Variants in NKAIN3 observed in about 807,000 individuals in gnomAD.
The protein encoded by NKAIN3 is sodium/potassium-transporting ATPase subunit beta-1-interacting protein 3.
A neutral mutation model predicts 30.2 loss-of-function variants in NKAIN3; 25 were observed. The observed-to-expected ratio is 0.83, with a 90% CI of 0.60 to 1.16. The LOEUF (loss-of-function observed/expected upper bound fraction) is 1.16. Among genes scored for constraint, NKAIN3 ranks in the 50% most tolerant of loss-of-function variants. NKAIN3 has a pLI of 0.00. For synonymous variants in NKAIN3, 91 were observed against 89.6 expected (o/e 1.02, Z -0.09); for missense variants, 225 against 254.1 (o/e 0.89, Z 0.78).
At chr8:62,720,049 G>T (rs1194983316) in intron 3 of NKAIN3, among the ~76,000 whole-genome samples, 1 of 151,910 alleles carries the variant, frequency 6.6e-6, no homozygotes, top group African/African-American at 2.4e-5. Context: ...GAGCCACTGC[G>T]CCGGGCCGAT....
chr8:62,252,176 C>T (rs1167973728), intron 1 of NKAIN3, among the ~76,000 whole-genome samples: 1 of 151,892 alleles, frequency 6.6e-6, no homozygotes, highest in African/African-American at 2.4e-5. Context: ...CTGCTTCCAC[C>T]AACTGTCAGA....
intron 4 of NKAIN3, chr8:62,856,465 C>T: frequency 1.3e-6 from 1 of 786,028 alleles, no homozygotes; most frequent in Middle Eastern, 3.4e-4. Context: ...TATGTCAAAG[C>T]CCCCAGGTTT....
intron 1 of NKAIN3, among the ~76,000 whole-genome samples, chr8:62,555,247 T>C (rs1809351145): frequency 6.6e-6 from 1 of 152,096 alleles, no homozygotes; most frequent in Admixed American, 6.6e-5. Context: ...CAAGGTATCA[T>C]ACTTGTGAGG....
chr8:62,917,666 G>A (rs571729344), intron 4 of NKAIN3, among the ~76,000 whole-genome samples: 6 of 152,324 alleles, frequency 3.9e-5, no homozygotes, highest in South Asian at 2.1e-4. Context: ...AAGACAAGAA[G>A]ATAAACTATA....
intron 3 of NKAIN3, among the ~76,000 whole-genome samples, chr8:62,724,029 T>A (rs1229212808): frequency 6.6e-6 from 1 of 152,112 alleles, no homozygotes; most frequent in Non-Finnish European, 1.5e-5. Context: ...ACTAATGATT[T>A]CTTGAGTTAT....
At chr8:62,499,421 C>G (rs893844322) in intron 1 of NKAIN3, among the ~76,000 whole-genome samples, 3 of 152,032 alleles carry the variant, frequency 2.0e-5, no homozygotes. Context: ...TGATGCCTAT[C>G]TAGGAGGGAA....
intron 3 of NKAIN3, among the ~76,000 whole-genome samples, chr8:62,696,054 C>T (rs1364573985): frequency 6.6e-6 from 1 of 152,036 alleles, no homozygotes; most frequent in East Asian, 1.9e-4. Flanking sequence ...TTTTTATATA[C>T]ACAAACATAC....
chr8:62,440,978 A>G lies in NKAIN3; in HGVS notation c.55-138561A>G, dbSNP rs946924441. ...AATGCGGAACCTGTCTTGTGCTGCC[A>G]TGTTACCCGCCTCCATTTTGAAGGC... On this transcript the variant is annotated intron_variant, in intron 1 of 6. Transcript: ENST00000623646. Among the ~76,000 whole-genome samples, 3 of 152,214 alleles carry G rather than the reference A, an allele frequency of 2.0e-5. No homozygotes were observed. The East Asian group carries it at 5.8e-4, about 29-fold the overall frequency.
intron 4 of NKAIN3, among the ~76,000 whole-genome samples, chr8:62,813,990 C>G (rs1453647018): frequency 6.6e-6 from 1 of 152,054 alleles, no homozygotes; most frequent in Non-Finnish European, 1.5e-5. Context: ...TGTAAGGTTT[C>G]TGCTGAGAAA....
At chr8:62,836,283 C>T (rs893311102) in intron 4 of NKAIN3, among the ~76,000 whole-genome samples, 6 of 152,020 alleles carry the variant, frequency 3.9e-5, no homozygotes, top group African/African-American at 1.4e-4. Context: ...ATGAAATATA[C>T]TCATTCAACA....
intron 1 of NKAIN3, among the ~76,000 whole-genome samples, chr8:62,429,385 T>C (rs1373926456): frequency 1.3e-5 from 2 of 151,994 alleles, no homozygotes; most frequent in Non-Finnish European, 2.9e-5. Context: ...TTGTACTTGA[T>C]TCTATTAATG....
intron 5 of NKAIN3, among the ~76,000 whole-genome samples, chr8:62,940,566 A>C (rs1463345460): frequency 2.0e-5 from 3 of 152,088 alleles, no homozygotes; most frequent in African/African-American, 7.2e-5. Context: ...TATATCAAGT[A>C]CTCTCTCAGA....
At chr8:62,527,165 C>T (rs1808329831) in intron 1 of NKAIN3, among the ~76,000 whole-genome samples, 1 of 152,190 alleles carries the variant, frequency 6.6e-6, no homozygotes, top group African/African-American at 2.4e-5. Context: ...CTCCCATCCT[C>T]AGCTGAGATG....
intron 3 of NKAIN3, among the ~76,000 whole-genome samples, chr8:62,641,997 G>C (rs887092670): frequency 9.9e-5 from 15 of 151,986 alleles, no homozygotes; most frequent in Non-Finnish European, 1.6e-4. Context: ...TGAGAATGCT[G>C]GGATGCAACC....
chr8:62,682,344 C>T (rs1421895300), intron 3 of NKAIN3, among the ~76,000 whole-genome samples: 2 of 152,068 alleles, frequency 1.3e-5, no homozygotes, highest in East Asian at 1.9e-4. Context: ...CTCTCAGTCC[C>T]CAGGGAAGCC....
intron 1 of NKAIN3, among the ~76,000 whole-genome samples, chr8:62,410,718 G>T (rs1173099554): frequency 1.3e-5 from 2 of 152,122 alleles, no homozygotes; most frequent in East Asian, 3.9e-4. Flanking sequence ...AAGATCCTCA[G>T]AGTATACTAT....
chr8:62,811,109 A>G (rs1391158747), intron 4 of NKAIN3, among the ~76,000 whole-genome samples: 2 of 151,980 alleles, frequency 1.3e-5, no homozygotes, highest in African/African-American at 4.8e-5. Flanking sequence ...CTGTTGTTAT[A>G]TGTTGTCATC....
chr8:62,354,316 T>C (rs1816277019), intron 1 of NKAIN3, among the ~76,000 whole-genome samples: 1 of 152,176 alleles, frequency 6.6e-6, no homozygotes, highest in Non-Finnish European at 1.5e-5. Context: ...TAGAGATTTT[T>C]CAAGAACTGG....
intron 1 of NKAIN3, among the ~76,000 whole-genome samples, chr8:62,419,549 A>G (rs1044122021): frequency 2.0e-5 from 3 of 152,196 alleles, no homozygotes; most frequent in African/African-American, 7.2e-5. Context: ...AGAGGGCTCA[A>G]TGTAAGTTTT....
Sources: gnomAD v4.1 joint callset for allele counts (sites outside exome capture counted in the v4.1 genomes callset) on GRCh38, gnomAD v4.1.1 for gene constraint, MANE v1.5 for transcripts, NCBI Gene and HGNC (gene_info 2026-07-23, HGNC 2026-07-21) for gene names.